The following FXYD5 variants were observed in gnomAD, a reference collection of about 807,000 sequenced individuals.
FXYD5 encodes FXYD domain-containing ion transport regulator 5.
Under a neutral mutation model 25.7 loss-of-function variants are expected in FXYD5, and 21 were observed. That is an observed-to-expected ratio of 0.82 (90% CI 0.58 to 1.18). FXYD5 has a LOEUF of 1.18. FXYD5 is among the 50% of genes most tolerant of loss of function. The probability of loss-of-function intolerance (pLI) is 0.00; values close to 1 mark genes in which losing one functional copy is unlikely to be tolerated. For missense variants in FXYD5, 229 were observed against 227.7 expected (o/e 1.01, Z -0.04); for synonymous variants, 101 against 90.7 (o/e 1.11, Z -0.64).
rs548932685 is a variant in FXYD5, at chr19:35,162,407, A to C, written c.292+1606A>C. Among the ~76,000 whole-genome samples the C allele has an allele frequency of 2.6e-5, 4 of 152,316 alleles. No homozygotes were observed. The South Asian group carries it at 8.3e-4, about 32-fold the overall frequency. On this transcript the variant is annotated intron_variant, in intron 5 of 8. Coordinates refer to ENST00000392219, the MANE Select transcript of FXYD5 (RefSeq NM_014164.6). ...ATACCACAGACTGGATGGCTTAAACAATAGGAATTCATTTCTCCCGGTTCT... is the reference window on the plus strand; with the variant it reads ...ATACCACAGACTGGATGGCTTAAACCATAGGAATTCATTTCTCCCGGTTCT...
intron 4 of FXYD5, among the ~76,000 whole-genome samples, chr19:35,160,268 A>G (rs904959054): frequency 1.3e-5 from 2 of 152,108 alleles, no homozygotes; most frequent in Non-Finnish European, 2.9e-5. Flanking sequence ...CCATTTCCTA[A>G]CCCACCAGCA....
intron 4 of FXYD5, 90 bp downstream of exon 4, chr19:35,158,490 AT>A (rs1440446414): frequency 1.2e-5 from 10 of 813,922 alleles, no homozygotes; most frequent in Non-Finnish European, 2.2e-5. Flanking sequence ...TTGGTTGCCC[AT>A]TTCAGTCCCT....
chr19:35,156,562 A>G (rs1436986346), intron 2 of FXYD5, among the ~76,000 whole-genome samples: 1 of 152,164 alleles, frequency 6.6e-6, no homozygotes, highest in East Asian at 1.9e-4. Context: ...GGACCAACAA[A>G]CACTTGGAGG....
At chr19:35,156,453 C>T (rs1393366346) in intron 2 of FXYD5, among the ~76,000 whole-genome samples, 1 of 152,114 alleles carries the variant, frequency 6.6e-6, no homozygotes, top group Non-Finnish European at 1.5e-5. Context: ...TAAATTATAT[C>T]GTGTGCTAGG....
chr19:35,163,808 CT>C (rs1221991741), intron 5 of FXYD5, among the ~76,000 whole-genome samples: 1 of 152,148 alleles, frequency 6.6e-6, no homozygotes, highest in Non-Finnish European at 1.5e-5. Context: ...TTACAAGTTT[CT>C]CCAGACTATG....
chr19:35,163,764 T>A (rs1462657934), intron 5 of FXYD5, among the ~76,000 whole-genome samples: 1 of 152,154 alleles, frequency 6.6e-6, no homozygotes, highest in Non-Finnish European at 1.5e-5. Flanking sequence ...TTTACAGACA[T>A]GAGCCACTGC....
intron 8 of FXYD5, among the ~76,000 whole-genome samples, chr19:35,167,196 A>G (rs1219234554): frequency 6.6e-6 from 1 of 152,222 alleles, no homozygotes; most frequent in Non-Finnish European, 1.5e-5. Flanking sequence ...ATAGAGTGAT[A>G]TCTCTGGAGG....
intron 8 of FXYD5, among the ~76,000 whole-genome samples, chr19:35,166,951 C>T (rs181673019): frequency 6.6e-6 from 1 of 152,276 alleles, no homozygotes; most frequent in East Asian, 1.9e-4. Context: ...TGGCAGGGAA[C>T]AAGGGCTGAA....
chr19:35,163,310 G>A (rs1335936436), intron 5 of FXYD5, among the ~76,000 whole-genome samples: 1 of 152,142 alleles, frequency 6.6e-6, no homozygotes, highest in Non-Finnish European at 1.5e-5. Flanking sequence ...TTTCACGAGG[G>A]AGCTTCTCTG....
chr19:35,168,839 G>A (rs959073851), intron 8 of FXYD5, among the ~76,000 whole-genome samples: 3 of 152,104 alleles, frequency 2.0e-5, no homozygotes, highest in Admixed American at 2.0e-4. Context: ...GAGGCAGGTG[G>A]ATCCCTTGAG....
At chr19:35,164,580 G>T (rs1297765167) in intron 6 of FXYD5, among the ~76,000 whole-genome samples, 1 of 152,198 alleles carries the variant, frequency 6.6e-6, no homozygotes, top group Non-Finnish European at 1.5e-5. Flanking sequence ...TCTGAGGTCA[G>T]TTGTGGGTCA....
At chr19:35,168,548 A>G (rs79378603) in intron 8 of FXYD5, among the ~76,000 whole-genome samples, 4,017 of 152,196 alleles carry the variant, frequency 0.026, 135 homozygotes, top group East Asian at 0.2. Context: ...GGAGAAGACG[A>G]GGCCAGAGAG....
intron 2 of FXYD5, 59 bp downstream of exon 2, chr19:35,155,670 G>T: frequency 7.9e-7 from 1 of 1,260,552 alleles, no homozygotes; most frequent in South Asian, 1.2e-5. Context: ...CCAGCCCCAC[G>T]TGTGCTGCGG....
chr19:35,168,228 G>T (rs1403211139), intron 8 of FXYD5, among the ~76,000 whole-genome samples: 1 of 152,182 alleles, frequency 6.6e-6, no homozygotes, highest in Non-Finnish European at 1.5e-5. Context: ...TGGGGGCATG[G>T]TGGTGACAAG....
intron 8 of FXYD5, among the ~76,000 whole-genome samples, chr19:35,168,431 G>A (rs1031420364): frequency 1.3e-5 from 2 of 152,210 alleles, no homozygotes; most frequent in Non-Finnish European, 2.9e-5. Context: ...TGAATCACCA[G>A]GTAGAGAGAG....
intron 2 of FXYD5, among the ~76,000 whole-genome samples, chr19:35,156,192 A>G (rs542515685): frequency 3.3e-5 from 5 of 152,166 alleles, no homozygotes; most frequent in Non-Finnish European, 7.3e-5. Context: ...CAGCGAAGGG[A>G]AGTGCCCTGT....
In FXYD5 at chr19:35,161,864, AC is replaced by A. The variant is rs199735567; in HGVS notation, c.292+1065del. ...TGCAGACTGGGTACTGAACGAGAGC[AC>A]CACCTCTCGGGCAATGCCATTCCCT... On this transcript the variant is annotated intron_variant, in intron 5 of 8. Coordinates refer to ENST00000392219, the MANE Select transcript of FXYD5 (RefSeq NM_014164.6). Among the ~76,000 whole-genome samples the A allele has an allele frequency of 7.1e-3, 1,087 of 152,304 alleles. 3 individuals are homozygous for A. Among genetic ancestry groups the A allele is most frequent in the Non-Finnish European group, 0.011 (768 of 68,018 alleles).
At chr19:35,167,595 G>A (rs2065462212) in intron 8 of FXYD5, among the ~76,000 whole-genome samples, 1 of 152,212 alleles carries the variant, frequency 6.6e-6, no homozygotes, top group African/African-American at 2.4e-5. Flanking sequence ...TGTTGTGGGT[G>A]AAATAAAACA....
rs2065376444 is a variant in FXYD5, at chr19:35,158,409, T to C, written c.199+9T>C. The C allele has an allele frequency of 1.3e-6, 2 of 1,552,394 alleles. No homozygotes were observed. The highest frequency in any genetic ancestry group is 8.9e-7 in the Non-Finnish European group (1 of 1,124,324). Reference sequence around the variant, plus strand: ...AACCTGGCCTGCTGATGGTGAGTAGTGCAGGGGCAGGCGGCGGGGACAGGA... The same window carrying C: ...AACCTGGCCTGCTGATGGTGAGTAGCGCAGGGGCAGGCGGCGGGGACAGGA... On this transcript the variant is annotated intron_variant, in intron 4 of 8. Coordinates refer to ENST00000392219, the MANE Select transcript of FXYD5 (RefSeq NM_014164.6).
Sources: allele counts gnomAD v4.1 joint callset (sites outside exome capture counted in the v4.1 genomes callset), GRCh38; gene constraint gnomAD v4.1.1; transcripts MANE v1.5; gene names NCBI Gene and HGNC (gene_info 2026-07-23, HGNC 2026-07-21).